The following NFIA variants were observed in gnomAD, a reference collection of about 807,000 sequenced individuals.
NFIA encodes the protein nuclear factor I A.
NFIA carries 8 observed loss-of-function variants against 62.8 expected under a neutral mutation model. That is an observed-to-expected ratio of 0.13 (90% CI 0.07 to 0.23). NFIA has a LOEUF of 0.23. Among genes scored for constraint, NFIA ranks in the 10% least tolerant of loss-of-function variants. The pLI is 1.00. For synonymous variants in NFIA, 235 were observed against 238.1 expected (o/e 0.99, Z 0.12); for missense variants, 410 against 642.1 (o/e 0.64, Z 3.91).
chr1:61,131,141 TA>T (rs1169926910), intron 2 of NFIA, among the ~76,000 whole-genome samples: 7 of 149,318 alleles, frequency 4.7e-5, no homozygotes, highest in African/African-American at 1.2e-4. Context: ...ACATTTCTTT[TA>T]AAAAAAATAG....
At chr1:61,420,481 T>TAA (rs1666565169) in intron 9 of NFIA, among the ~76,000 whole-genome samples, 1 of 152,172 alleles carries the variant, frequency 6.6e-6, no homozygotes, top group Non-Finnish European at 1.5e-5. Context: ...TGAATGCTTC[T>TAA]TAGGCACGTT....
intron 2 of NFIA, among the ~76,000 whole-genome samples, chr1:61,212,440 T>C (rs1016517284): frequency 6.6e-6 from 1 of 152,232 alleles, no homozygotes; most frequent in African/African-American, 2.4e-5. Flanking sequence ...ATTGTCTTCA[T>C]CTTTATGTCC....
chr1:61,347,655 C>A (rs982869187), intron 4 of NFIA, among the ~76,000 whole-genome samples: 5 of 152,160 alleles, frequency 3.3e-5, no homozygotes, highest in Non-Finnish European at 7.3e-5. Context: ...CTCCTTTGAA[C>A]TTTCCTAGCA....
intron 9 of NFIA, among the ~76,000 whole-genome samples, chr1:61,423,153 A>C (rs1666712449): frequency 6.6e-6 from 1 of 152,092 alleles, no homozygotes; most frequent in South Asian, 2.1e-4. Context: ...AGTGCAAATG[A>C]GATCTGGCCA....
intron 2 of NFIA, among the ~76,000 whole-genome samples, chr1:61,118,647 T>A (rs1646833300): frequency 6.7e-6 from 1 of 149,742 alleles, no homozygotes; most frequent in Non-Finnish European, 1.5e-5. Flanking sequence ...TGCAAAAAGT[T>A]TGGTCGGGAT....
intron 3 of NFIA, among the ~76,000 whole-genome samples, chr1:61,319,852 C>G (rs997076836): frequency 6.6e-6 from 1 of 150,668 alleles, no homozygotes; most frequent in Non-Finnish European, 1.5e-5. Context: ...TTCATGATCA[C>G]ACTCTATTAA....
chr1:61,361,513 G>T (rs1057083898), intron 6 of NFIA, among the ~76,000 whole-genome samples: 4 of 149,714 alleles, frequency 2.7e-5, no homozygotes, highest in African/African-American at 9.9e-5. Flanking sequence ...TATTGAAGCT[G>T]CTTTATTAGG....
At chr1:61,173,519 C>T (rs1286081941) in intron 2 of NFIA, among the ~76,000 whole-genome samples, 1 of 152,120 alleles carries the variant, frequency 6.6e-6, no homozygotes, top group African/African-American at 2.4e-5. Context: ...TCCCGAGTAG[C>T]TGGGATTACA....
intron 2 of NFIA, among the ~76,000 whole-genome samples, chr1:61,188,893 A>G (rs555372211): frequency 7.9e-5 from 12 of 152,338 alleles, no homozygotes; most frequent in Middle Eastern, 3.4e-3. Flanking sequence ...ATCTGGGTCA[A>G]ATTACTTAGG....
chr1:61,349,964 G>A (rs1335098345), intron 4 of NFIA, among the ~76,000 whole-genome samples: 3 of 151,992 alleles, frequency 2.0e-5, no homozygotes, highest in Admixed American at 6.6e-5. Context: ...CATCCTTTGA[G>A]TTTAGTCCCC....
chr1:61,266,017 G>A (rs560239552), intron 2 of NFIA, among the ~76,000 whole-genome samples: 1 of 152,170 alleles, frequency 6.6e-6, no homozygotes, highest in Non-Finnish European at 1.5e-5. Flanking sequence ...GAGAGTCTTA[G>A]CCTTGAATGC....
chr1:61,285,838 G>A (rs1658453361), intron 3 of NFIA, among the ~76,000 whole-genome samples: 1 of 152,162 alleles, frequency 6.6e-6, no homozygotes, highest in Admixed American at 6.5e-5. Flanking sequence ...ATTGTGGCAA[G>A]GCTCGGCAAA....
chr1:61,090,164 AAAAGT>A (rs1252259683), intron 2 of NFIA, among the ~76,000 whole-genome samples: 1 of 152,202 alleles, frequency 6.6e-6, no homozygotes, highest in African/African-American at 2.4e-5. Context: ...TGTTTACTGA[AAAAGT>A]AAAGTTAAAA....
At chr1:61,410,845 T>G (rs1381503727) in intron 9 of NFIA, among the ~76,000 whole-genome samples, 4 of 152,124 alleles carry the variant, frequency 2.6e-5, no homozygotes, top group Non-Finnish European at 5.9e-5. Context: ...AGCTTGAGGC[T>G]GCAGTGAACC....
intron 2 of NFIA, among the ~76,000 whole-genome samples, chr1:61,091,892 T>C (rs1646327281): frequency 6.6e-6 from 1 of 152,062 alleles, no homozygotes; most frequent in Admixed American, 6.5e-5. Flanking sequence ...TCTGGTAATG[T>C]AATCAGATTC....
At chr1:61,372,612 T>C (rs1056005081) in intron 6 of NFIA, among the ~76,000 whole-genome samples, 3 of 152,018 alleles carry the variant, frequency 2.0e-5, no homozygotes, top group Non-Finnish European at 4.4e-5. Flanking sequence ...TCAGATACAG[T>C]GCTTCAGAAA....
At chr1:61,343,715 A>G (rs1005259930) in intron 4 of NFIA, among the ~76,000 whole-genome samples, 1 of 152,240 alleles carries the variant, frequency 6.6e-6, no homozygotes, top group African/African-American at 2.4e-5. Context: ...GGAGATCAGC[A>G]CAGGGTTTAC....
intron 10 of NFIA, among the ~76,000 whole-genome samples, chr1:61,450,161 A>G (rs1667994810): frequency 6.6e-6 from 1 of 152,240 alleles, no homozygotes; most frequent in Non-Finnish European, 1.5e-5. Context: ...GGCAGGGACT[A>G]TATTTTACTC....
intron 2 of NFIA, among the ~76,000 whole-genome samples, chr1:61,123,410 A>G (rs1413211611): frequency 2.0e-5 from 3 of 152,240 alleles, no homozygotes; most frequent in African/African-American, 7.2e-5. Flanking sequence ...AGATGATTCA[A>G]GACATTTTGC....
Sources: allele counts gnomAD v4.1 joint callset (sites outside exome capture counted in the v4.1 genomes callset), GRCh38; gene constraint gnomAD v4.1.1; transcripts MANE v1.5; gene names NCBI Gene and HGNC (gene_info 2026-07-23, HGNC 2026-07-21).